The following CNTLN variants were observed in gnomAD, a reference collection of about 807,000 sequenced individuals.
The protein encoded by CNTLN is centlein, centrosomal protein.
In CNTLN, 212 loss-of-function variants were observed where a neutral mutation model predicts 180.0. The observed-to-expected ratio is 1.18, with a 90% confidence interval of 1.05 to 1.32. The LOEUF (loss-of-function observed/expected upper bound fraction) is 1.32. Ranked by LOEUF, CNTLN falls within the 40% of genes most tolerant of loss-of-function variation. The pLI, the probability that CNTLN is intolerant of heterozygous loss-of-function variation, is 0.00. For synonymous variants in CNTLN, 722 were observed against 563.1 expected (o/e 1.28, Z -3.99); for missense variants, 2,095 against 1,610.9 (o/e 1.30, Z -5.14).
chr9:17,462,337 T>C (rs972148681), intron 19 of CNTLN, among the ~76,000 whole-genome samples: 1 of 151,706 alleles, frequency 6.6e-6, no homozygotes, highest in African/African-American at 2.4e-5. Flanking sequence ...ACATCAACTG[T>C]ATTCCTAGCA....
intron 2 of CNTLN, among the ~76,000 whole-genome samples, chr9:17,223,372 CT>C (rs1385966429): frequency 6.6e-6 from 1 of 151,938 alleles, no homozygotes; most frequent in East Asian, 1.9e-4. Context: ...TGATTCCAGA[CT>C]TTTTAATTCA....
intron 18 of CNTLN, among the ~76,000 whole-genome samples, chr9:17,453,885 C>T (rs182361600): frequency 2.6e-4 from 39 of 152,236 alleles, no homozygotes; most frequent in Admixed American, 7.8e-4. Flanking sequence ...CTCTGGCCTT[C>T]TTTGAAAGGG....
At chr9:17,233,158 T>A (rs1397447420) in intron 3 of CNTLN, among the ~76,000 whole-genome samples, 1 of 152,112 alleles carries the variant, frequency 6.6e-6, no homozygotes, top group African/African-American at 2.4e-5. Flanking sequence ...TCCAGAGAAG[T>A]GTTCTTCAAA....
At chr9:17,452,775 A>T (rs1255941123) in intron 18 of CNTLN, among the ~76,000 whole-genome samples, 1 of 152,128 alleles carries the variant, frequency 6.6e-6, no homozygotes, top group African/African-American at 2.4e-5. Context: ...GGGGCCACGA[A>T]AAAAAGCAGT....
At chr9:17,151,555 G>C (rs141712847) in intron 2 of CNTLN, among the ~76,000 whole-genome samples, 1 of 152,272 alleles carries the variant, frequency 6.6e-6, no homozygotes, top group Non-Finnish European at 1.5e-5. Context: ...TGCTGGATTT[G>C]GTTTGCCACT....
At chr9:17,501,517 G>A (rs768502630) in intron 25 of CNTLN, among the ~76,000 whole-genome samples, 6 of 152,198 alleles carry the variant, frequency 3.9e-5, no homozygotes, top group Non-Finnish European at 8.8e-5. Context: ...ACACCTTAGC[G>A]GAGCATAGCT....
intron 18 of CNTLN, among the ~76,000 whole-genome samples, chr9:17,429,664 C>T (rs866114889): frequency 2.6e-5 from 4 of 151,772 alleles, no homozygotes; most frequent in South Asian, 2.1e-4. Flanking sequence ...AAAGAGACCG[C>T]GTGGGTAAAT....
chr9:17,360,865 A>G (rs899078404), intron 12 of CNTLN, among the ~76,000 whole-genome samples: 1 of 152,160 alleles, frequency 6.6e-6, no homozygotes, highest in Non-Finnish European at 1.5e-5. Context: ...TGAATGTTCC[A>G]TGGCACTTGA....
chr9:17,282,383 T>A (rs887098098), intron 6 of CNTLN, among the ~76,000 whole-genome samples: 5 of 152,244 alleles, frequency 3.3e-5, no homozygotes, highest in African/African-American at 1.2e-4. Context: ...ATCATAAATG[T>A]CTTCTTTTGA....
chr9:17,339,278 CTATAA>C (rs1304966536), intron 10 of CNTLN, among the ~76,000 whole-genome samples: 1 of 152,132 alleles, frequency 6.6e-6, no homozygotes, highest in Non-Finnish European at 1.5e-5. Flanking sequence ...AATGCAGACT[CTATAA>C]AGTATTATCT....
intron 18 of CNTLN, among the ~76,000 whole-genome samples, chr9:17,454,341 G>C (rs1374622621): frequency 6.6e-6 from 1 of 152,056 alleles, no homozygotes; most frequent in Non-Finnish European, 1.5e-5. Context: ...AGTACTTATT[G>C]AAGTCAACTT....
chr9:17,402,945 A>G (rs1032863580), intron 15 of CNTLN, among the ~76,000 whole-genome samples: 1 of 151,796 alleles, frequency 6.6e-6, no homozygotes, highest in African/African-American at 2.4e-5. Context: ...ATTTCTCCAG[A>G]AAAACCCTGA....
intron 18 of CNTLN, among the ~76,000 whole-genome samples, chr9:17,435,226 T>C (rs1377842589): frequency 2.0e-5 from 3 of 152,180 alleles, no homozygotes; most frequent in African/African-American, 4.8e-5. Flanking sequence ...GGTTTTGTTT[T>C]TTGGTTGTTG....
chr9:17,400,564 T>C (rs1826892693), intron 15 of CNTLN, among the ~76,000 whole-genome samples: 1 of 152,220 alleles, frequency 6.6e-6, no homozygotes, highest in South Asian at 2.1e-4. Flanking sequence ...TTGACCTGTC[T>C]ATGCTTCAAT....
intron 2 of CNTLN, among the ~76,000 whole-genome samples, chr9:17,154,235 A>C (rs1283717849): frequency 6.6e-6 from 1 of 152,048 alleles, no homozygotes; most frequent in Non-Finnish European, 1.5e-5. Context: ...GAGGAGAGGT[A>C]TTGTGGTTTT....
At chr9:17,383,368 G>A (rs1476247861) in intron 13 of CNTLN, among the ~76,000 whole-genome samples, 4 of 151,018 alleles carry the variant, frequency 2.6e-5, no homozygotes, top group Non-Finnish European at 5.9e-5. Context: ...AAAAAAAAAA[G>A]TTGGGTGTGG....
chr9:17,352,045 T>G (rs1822407029), intron 12 of CNTLN, among the ~76,000 whole-genome samples: 1 of 152,272 alleles, frequency 6.6e-6, no homozygotes, highest in East Asian at 1.9e-4. Context: ...CTGGAGTCAG[T>G]AGTAAAGGGG....
intron 7 of CNTLN, among the ~76,000 whole-genome samples, chr9:17,305,993 C>T (rs1818675102): frequency 6.6e-6 from 1 of 152,074 alleles, no homozygotes; most frequent in African/African-American, 2.4e-5. Flanking sequence ...GATGGATATT[C>T]AGTGCAAGAC....
intron 24 of CNTLN, among the ~76,000 whole-genome samples, chr9:17,485,007 A>T (rs116111979): frequency 6.6e-6 from 1 of 152,146 alleles, no homozygotes; most frequent in South Asian, 2.1e-4. Context: ...GAGTGAATTT[A>T]TATGCATACA....
Sources: allele counts gnomAD v4.1 joint callset (sites outside exome capture counted in the v4.1 genomes callset), GRCh38; gene constraint gnomAD v4.1.1; transcripts MANE v1.5; gene names NCBI Gene and HGNC (gene_info 2026-07-23, HGNC 2026-07-21).